GADL1: variants seen among roughly 807,000 people sequenced by gnomAD.
The protein encoded by GADL1 is acidic amino acid decarboxylase GADL1.
A neutral mutation model predicts 69.5 loss-of-function variants in GADL1; 71 were observed. The observed-to-expected ratio is 1.02, with a 90% CI of 0.84 to 1.25. The LOEUF (loss-of-function observed/expected upper bound fraction) is 1.25. GADL1 is among the 50% of genes most tolerant of loss of function. The probability of loss-of-function intolerance (pLI) is 0.00; values close to 1 mark genes in which losing one functional copy is unlikely to be tolerated. For missense variants in GADL1, 737 were observed against 631.8 expected, an observed-to-expected ratio of 1.17 and a Z score of -1.79; for synonymous variants, 254 against 214.4, an observed-to-expected ratio of 1.18 and a Z score of -1.62.
At chr3:30,885,059 C>T (rs766581184) in intron 1 of GADL1, among the ~76,000 whole-genome samples, 22 of 151,968 alleles carry the variant, frequency 1.4e-4, no homozygotes, top group Non-Finnish European at 1.9e-4. Context: ...ACCAACTTAA[C>T]CAAATATAAA....
At chr3:30,760,955 T>TA (rs923492432) in intron 14 of GADL1, among the ~76,000 whole-genome samples, 50 of 144,020 alleles carry the variant, frequency 3.5e-4, no homozygotes, top group Middle Eastern at 3.6e-3. Flanking sequence ...TGTGCTGTTC[T>TA]AAAAAATCAA....
intron 11 of GADL1, among the ~76,000 whole-genome samples, chr3:30,816,525 GTTTTCTTTTTTTTTTTTTTTTTTT>G (rs1697472954): frequency 2.5e-5 from 1 of 40,756 alleles, no homozygotes; most frequent in Non-Finnish European, 6.5e-5. Flanking sequence ...TTCTTAATTT[GTTTTCTTTTTTTTTTTTTTTTTTT>G]TTTTTTTTTT....
chr3:30,754,591 T>G, intron 14 of GADL1, among the ~76,000 whole-genome samples: 1 of 151,296 alleles, frequency 6.6e-6, no homozygotes. Flanking sequence ...TTAAGCTTCA[T>G]GGAGTTTGGA....
intron 14 of GADL1, among the ~76,000 whole-genome samples, chr3:30,767,074 T>C (rs1231052597): frequency 6.6e-6 from 1 of 152,056 alleles, no homozygotes; most frequent in Non-Finnish European, 1.5e-5. Flanking sequence ...AATGCTTAAA[T>C]ACTGTAATCC....
At chr3:30,785,851 G>GA (rs1203852091) in intron 13 of GADL1, among the ~76,000 whole-genome samples, 1 of 152,000 alleles carries the variant, frequency 6.6e-6, no homozygotes, top group African/African-American at 2.4e-5. Context: ...ACATGTTTTA[G>GA]AAAAAAATAT....
intron 1 of GADL1, among the ~76,000 whole-genome samples, chr3:30,876,111 A>G (rs1166173839): frequency 2.0e-5 from 3 of 151,980 alleles, no homozygotes; most frequent in African/African-American, 7.2e-5. Context: ...ATATTCTATA[A>G]TGTTCTATAC....
chr3:30,758,808 T>C (rs945024898), intron 14 of GADL1, among the ~76,000 whole-genome samples: 1 of 152,254 alleles, frequency 6.6e-6, no homozygotes, highest in African/African-American at 2.4e-5. Context: ...TATGCCATCC[T>C]TGCCATTAGG....
intron 1 of GADL1, among the ~76,000 whole-genome samples, chr3:30,873,471 C>G (rs1412605008): frequency 6.6e-6 from 1 of 151,962 alleles, no homozygotes; most frequent in Non-Finnish European, 1.5e-5. Flanking sequence ...TTAATAATTA[C>G]CATATTCTCC....
At chr3:30,834,050 A>G in intron 10 of GADL1, 116 bp from the exon 11 acceptor site, 1 of 914,930 alleles carries the variant, frequency 1.1e-6, no homozygotes. Context: ...TTACTGTTCT[A>G]TAGAACTCCT....
chr3:30,803,785 G>A (rs1697203431), intron 11 of GADL1, among the ~76,000 whole-genome samples: 1 of 152,184 alleles, frequency 6.6e-6, no homozygotes, highest in Non-Finnish European at 1.5e-5. Flanking sequence ...GTATTAAAAT[G>A]GATGAGATGT....
At chr3:30,819,426 A>G (rs937787073) in intron 11 of GADL1, among the ~76,000 whole-genome samples, 6 of 152,180 alleles carry the variant, frequency 3.9e-5, no homozygotes, top group African/African-American at 1.4e-4. Context: ...CCAGAATTTC[A>G]TAACACATCT....
At chr3:30,766,190 A>G (rs965880316) in intron 14 of GADL1, among the ~76,000 whole-genome samples, 3 of 152,206 alleles carry the variant, frequency 2.0e-5, no homozygotes, top group Non-Finnish European at 4.4e-5. Flanking sequence ...GAAATTGAAC[A>G]TGGGGCACCA....
rs1052235793 is a variant in GADL1, at chr3:30,830,153, A to G, written c.1050+3700T>C. ...AAACATGGTCATAAATAATTATTTG[A>G]CCTACCTCCCCTAAAAGGAGGCTGT... is the stretch of plus-strand genomic sequence containing the variant. On this transcript the variant is annotated intron_variant, in intron 11 of 14. Coordinates refer to ENST00000282538, the MANE Select transcript of GADL1 (RefSeq NM_207359.3). Among the ~76,000 whole-genome samples the G allele has an allele frequency of 3.9e-5, 6 of 151,910 alleles. No homozygotes were observed. The East Asian group carries it at 1.2e-3, about 30-fold the overall frequency.
chr3:30,837,220 C>T (rs568213401), intron 9 of GADL1, among the ~76,000 whole-genome samples: 1 of 152,094 alleles, frequency 6.6e-6, no homozygotes, highest in South Asian at 2.1e-4. Flanking sequence ...CAGGTCAAAG[C>T]AATTATTGCA....
chr3:30,796,302 C>CG (rs1389330946), intron 12 of GADL1, among the ~76,000 whole-genome samples: 1 of 152,078 alleles, frequency 6.6e-6, no homozygotes, highest in Admixed American at 6.6e-5. Flanking sequence ...TATGGTAGAC[C>CG]GTAGACTGTC....
At chr3:30,776,195 C>T (rs757585230) in intron 14 of GADL1, among the ~76,000 whole-genome samples, 2 of 152,222 alleles carry the variant, frequency 1.3e-5, no homozygotes, top group African/African-American at 2.4e-5. Flanking sequence ...TAATCCCTGT[C>T]AGTCCAACAG....
chr3:30,839,896 C>T (rs1218726477), intron 8 of GADL1, among the ~76,000 whole-genome samples: 1 of 152,018 alleles, frequency 6.6e-6, no homozygotes, highest in Non-Finnish European at 1.5e-5. Context: ...GCTTTGTCCC[C>T]ATTAAAGGAC....
chr3:30,746,562 A>C (rs1695705960), intron 14 of GADL1, among the ~76,000 whole-genome samples: 1 of 152,166 alleles, frequency 6.6e-6, no homozygotes, highest in African/African-American at 2.4e-5. Context: ...TGACAGGTGC[A>C]CCAGGTGAGA....
At chr3:30,800,666 C>A in intron 12 of GADL1, 1 of 555,124 alleles carries the variant, frequency 1.8e-6, no homozygotes, top group Non-Finnish European at 3.2e-6. Context: ...GGTGATAGGA[C>A]TGCTCTGTTC....
Sources: gnomAD v4.1 joint callset for allele counts (sites outside exome capture counted in the v4.1 genomes callset) on GRCh38, gnomAD v4.1.1 for gene constraint, MANE v1.5 for transcripts, NCBI Gene and HGNC (gene_info 2026-07-23, HGNC 2026-07-21) for gene names.